Variants in GLG1 observed in about 807,000 individuals in gnomAD.
GLG1 encodes the protein Golgi apparatus protein 1.
Under a neutral mutation model 160.5 loss-of-function variants are expected in GLG1, and 38 were observed. The observed-to-expected ratio is 0.24, with a 90% confidence interval of 0.18 to 0.31. GLG1 has a LOEUF of 0.31. GLG1 is among the 10% of genes least tolerant of loss of function. GLG1 has a pLI of 1.00. For synonymous variants in GLG1, 644 were observed against 543.4 expected, an observed-to-expected ratio of 1.19 and a Z score of -2.57; for missense variants, 1,373 against 1,505.2, an observed-to-expected ratio of 0.91 and a Z score of 1.45.
chr16:74,517,900 T>C (rs2017033218), intron 2 of GLG1, among the ~76,000 whole-genome samples: 1 of 151,896 alleles, frequency 6.6e-6, no homozygotes, highest in Admixed American at 6.6e-5. Context: ...TTCCTATAAA[T>C]CAATAACAGA....
At position 74,467,741 on chromosome 16, in the gene GLG1, A is replaced by C. The variant is rs182992177; in HGVS notation, c.2529+15T>G. On this transcript the variant is annotated intron_variant, in intron 18 of 25. Coordinates refer to ENST00000422840, the MANE Select transcript of GLG1 (RefSeq NM_001145667.2). The stretch of plus-strand genomic sequence containing the variant: ...ACATTACTTTTACAATTACAAAAGA[A>C]AAGCAAAAAGTTACCTGAGCGTTGC... 28 of 1,545,198 alleles carry C rather than the reference A, an allele frequency of 1.8e-5. No individual in the cohort carries two copies. The East Asian group carries it at 2.2e-4, about 12-fold the overall frequency.
At chr16:74,456,862 C>G (rs2014568076) in intron 24 of GLG1, 107 bp from the exon 25 acceptor site, 1 of 737,002 alleles carries the variant, frequency 1.4e-6, no homozygotes, top group Non-Finnish European at 2.4e-6. Flanking sequence ...TTCAGATCTG[C>G]AGGCTCAACA....
intron 25 of GLG1, among the ~76,000 whole-genome samples, chr16:74,455,594 C>A (rs1597214189): frequency 1.3e-5 from 2 of 152,254 alleles, no homozygotes; most frequent in East Asian, 3.9e-4. Flanking sequence ...CTGCTGTCGA[C>A]CTATGAAGAC....
chr16:74,532,184 A>T (rs2017555344), intron 1 of GLG1, 31 bp from the exon 2 acceptor site: 2 of 604,896 alleles, frequency 3.3e-6, no homozygotes, highest in African/African-American at 5.6e-5. Context: ...GAGATGATGT[A>T]AAAAAAAAAA....
chr16:74,598,985 A>G (rs1958374230), intron 1 of GLG1, among the ~76,000 whole-genome samples: 1 of 151,986 alleles, frequency 6.6e-6, no homozygotes, highest in Non-Finnish European at 1.5e-5. Context: ...ACATTAGGAG[A>G]AATGCACAAA....
At chr16:74,510,362 A>G (rs550245353) in intron 2 of GLG1, among the ~76,000 whole-genome samples, 1 of 152,342 alleles carries the variant, frequency 6.6e-6, no homozygotes, top group East Asian at 1.9e-4. Context: ...CTGTTTTAAC[A>G]CATGTTACAC....
At chr16:74,561,043 A>G (rs1376640299) in intron 1 of GLG1, among the ~76,000 whole-genome samples, 1 of 152,250 alleles carries the variant, frequency 6.6e-6, no homozygotes, top group Non-Finnish European at 1.5e-5. Flanking sequence ...GCAGTCCTGC[A>G]CAGTCCTGCT....
intron 1 of GLG1, among the ~76,000 whole-genome samples, chr16:74,539,429 A>G (rs2017773436): frequency 6.6e-6 from 1 of 151,570 alleles, no homozygotes; most frequent in Non-Finnish European, 1.5e-5. Context: ...TGAGTGGGCT[A>G]TGTTGACGTT....
At chr16:74,585,482 G>A (rs561211654) in intron 1 of GLG1, among the ~76,000 whole-genome samples, 6 of 152,146 alleles carry the variant, frequency 3.9e-5, no homozygotes, top group African/African-American at 1.2e-4. Context: ...TGAGATGGGC[G>A]GATCATGAGG....
chr16:74,590,947 T>TAA (rs369425701), intron 1 of GLG1, among the ~76,000 whole-genome samples: 133 of 145,272 alleles, frequency 9.2e-4, no homozygotes, highest in African/African-American at 2.6e-3. Flanking sequence ...CCTTTCTTGT[T>TAA]AAAAAAAAAA....
chr16:74,469,941 A>G (rs2015136301), intron 16 of GLG1, 44 bp downstream of exon 16: 2 of 1,220,866 alleles, frequency 1.6e-6, no homozygotes, highest in East Asian at 2.3e-5. Context: ...CGGAGCTAAG[A>G]GGAACTTCGG....
At chr16:74,555,829 CT>C (rs920559046) in intron 1 of GLG1, among the ~76,000 whole-genome samples, 9 of 142,960 alleles carry the variant, frequency 6.3e-5, no homozygotes, top group Non-Finnish European at 7.7e-5. Context: ...GATAATTCAT[CT>C]TTTTTTTTTT....
intron 1 of GLG1, among the ~76,000 whole-genome samples, chr16:74,550,524 A>C (rs1358544797): frequency 6.6e-6 from 1 of 152,234 alleles, no homozygotes; most frequent in Non-Finnish European, 1.5e-5. Context: ...AGAAGATGCC[A>C]AAAACTCAAT....
chr16:74,546,929 G>C (rs12445991), intron 1 of GLG1, among the ~76,000 whole-genome samples: 40,897 of 148,724 alleles, frequency 0.27, 6,034 homozygotes, highest in Middle Eastern at 0.36. Context: ...AAAAGAGAGA[G>C]AAGCCTTCCT....
intron 1 of GLG1, among the ~76,000 whole-genome samples, chr16:74,560,398 G>T (rs2018478339): frequency 7.0e-6 from 1 of 142,958 alleles, no homozygotes; most frequent in Admixed American, 7.6e-5. Flanking sequence ...CACGATCTCA[G>T]CTCACTGCAA....
chr16:74,452,101 A>G lies in GLG1; in HGVS notation c.*1066T>C, dbSNP rs745869989. 6 of 1,614,002 alleles carry G rather than the reference A, an allele frequency of 3.7e-6. No individual in the cohort carries two copies. Among genetic ancestry groups the G allele is most frequent in the Admixed American group, 3.3e-5 (2 of 60,002 alleles). ...CATCCTGAGACCACACTAAACCTTT[A>G]TAAGCCATTGTCTCTGACCTGTATT... On this transcript the variant is annotated 3_prime_UTR_variant, in exon 26 of 26. Coordinates refer to ENST00000422840, the MANE Select transcript of GLG1 (RefSeq NM_001145667.2).
At chr16:74,486,924 T>TCCCC (rs36122087) in intron 8 of GLG1, among the ~76,000 whole-genome samples, 10 of 149,578 alleles carry the variant, frequency 6.7e-5, no homozygotes, top group Non-Finnish European at 1.3e-4. Flanking sequence ...CTTTTTTTTT[T>TCCCC]CCCCCCCGAG....
At chr16:74,459,896 C>G in intron 22 of GLG1, 107 bp from the exon 23 acceptor site, 1 of 603,374 alleles carries the variant, frequency 1.7e-6, no homozygotes, top group Non-Finnish European at 2.8e-6. Flanking sequence ...AGCTCTGTCA[C>G]CCAGGCTGCA....
intron 1 of GLG1, among the ~76,000 whole-genome samples, chr16:74,540,980 T>C (rs1265876653): frequency 6.6e-6 from 1 of 152,122 alleles, no homozygotes; most frequent in Non-Finnish European, 1.5e-5. Context: ...AAAGGTCATA[T>C]TTCTGAACTG....
Sources: allele counts gnomAD v4.1 joint callset (sites outside exome capture counted in the v4.1 genomes callset), GRCh38; gene constraint gnomAD v4.1.1; transcripts MANE v1.5; gene names NCBI Gene and HGNC (gene_info 2026-07-23, HGNC 2026-07-21).